PACRG: variants seen among roughly 807,000 people sequenced by gnomAD.
PACRG encodes parkin coregulated.
In PACRG, 29 loss-of-function variants were observed where a neutral mutation model predicts 29.7. The ratio of observed to expected loss-of-function variants is 0.98; its 90% CI spans 0.73 to 1.33. The LOEUF (loss-of-function observed/expected upper bound fraction) is 1.33, where lower values mean the gene tolerates loss of function less well. PACRG is among the 40% of genes most tolerant of loss of function. The pLI is 0.00. For synonymous variants in PACRG, 116 were observed against 118.7 expected (o/e 0.98, Z 0.15); for missense variants, 279 against 316.2 (o/e 0.88, Z 0.89).
At chr6:163,248,684 T>C (rs539835522) in intron 4 of PACRG, among the ~76,000 whole-genome samples, 1 of 152,276 alleles carries the variant, frequency 6.6e-6, no homozygotes, top group African/African-American at 2.4e-5. Context: ...TGACAACTAT[T>C]AGGTTTTCTG....
At chr6:163,197,138 A>G (rs954789238) in intron 4 of PACRG, among the ~76,000 whole-genome samples, 2 of 152,212 alleles carry the variant, frequency 1.3e-5, no homozygotes, top group Non-Finnish European at 2.9e-5. Flanking sequence ...TTCTGCCAGG[A>G]AAAAATACAT....
rs1191547252 is a variant in PACRG at position 162,851,985 on chromosome 6, A to AAGGAAGGG, written c.291+37707_291+37708insAAGGGAGG. On this transcript the variant is annotated intron_variant, in intron 2 of 4. Transcript: ENST00000366888. Reference sequence around the variant, plus strand: ...GGAAGGAAGGGAAAAGAGAAAAGAAAAGGGAGGGAGGGAGGGAGGGAGGAA... The same window carrying AAGGAAGGG: ...GGAAGGAAGGGAAAAGAGAAAAGAAAAGGAAGGGAGGGAGGGAGGGAGGGAGGGAGGAA... Among the ~76,000 whole-genome samples the AAGGAAGGG allele has an allele frequency of 6.1e-5, 7 of 113,934 alleles. 1 individual carries two copies. The South Asian group carries it at 1.2e-3, about 19-fold the overall frequency. The allele number at this position is 113,934 out of a possible 152,430, so 74.7% of individuals were successfully genotyped here.
intron 1 of PACRG, among the ~76,000 whole-genome samples, chr6:162,734,472 C>G (rs1177930961): frequency 6.6e-6 from 1 of 151,534 alleles, no homozygotes; most frequent in African/African-American, 2.4e-5. Flanking sequence ...ATCTTCCTAT[C>G]AAATTTAGGA....
At chr6:162,887,402 A>G (rs1232851684) in intron 2 of PACRG, among the ~76,000 whole-genome samples, 1 of 152,212 alleles carries the variant, frequency 6.6e-6, no homozygotes, top group African/African-American at 2.4e-5. Context: ...CTTCCAATGT[A>G]TTCTCTGGAA....
chr6:163,283,328 A>G (rs901567619), intron 4 of PACRG, among the ~76,000 whole-genome samples: 6 of 152,244 alleles, frequency 3.9e-5, no homozygotes, highest in Non-Finnish European at 7.3e-5. Flanking sequence ...GGAAATTGCA[A>G]TGAAGGAATC....
chr6:163,309,244 C>T (rs924563764), intron 4 of PACRG, among the ~76,000 whole-genome samples: 1 of 152,222 alleles, frequency 6.6e-6, no homozygotes, highest in Admixed American at 6.5e-5. Flanking sequence ...AGAGCACAGC[C>T]CTAGACCGAT....
At chr6:162,963,450 T>C (rs1269118124) in intron 2 of PACRG, among the ~76,000 whole-genome samples, 4 of 151,924 alleles carry the variant, frequency 2.6e-5, no homozygotes, top group Non-Finnish European at 5.9e-5. Context: ...TATAATGACA[T>C]AGAATAAAAC....
intron 1 of PACRG, among the ~76,000 whole-genome samples, chr6:162,798,070 A>G (rs1197331128): frequency 6.6e-6 from 1 of 152,170 alleles, no homozygotes; most frequent in Non-Finnish European, 1.5e-5. Context: ...TTCTTATAGT[A>G]ACTTTGATAT....
intron 2 of PACRG, among the ~76,000 whole-genome samples, chr6:162,862,862 C>T (rs1056631226): frequency 6.6e-6 from 1 of 152,136 alleles, no homozygotes; most frequent in South Asian, 2.1e-4. Context: ...GGTCTCATCT[C>T]GAAGGCAGGC....
intron 4 of PACRG, among the ~76,000 whole-genome samples, chr6:163,135,534 C>A (rs1220093106): frequency 1.3e-5 from 2 of 152,138 alleles, no homozygotes; most frequent in African/African-American, 4.8e-5. Flanking sequence ...CATAAATATA[C>A]CCCAATTTAT....
intron 4 of PACRG, among the ~76,000 whole-genome samples, chr6:163,124,086 G>T (rs975278469): frequency 6.6e-6 from 1 of 152,216 alleles, no homozygotes; most frequent in Non-Finnish European, 1.5e-5. Context: ...GCAGCAGTAT[G>T]TATTCTTTGG....
chr6:163,191,818 A>T (rs61738622), intron 4 of PACRG: 13 of 453,830 alleles, frequency 2.9e-5, no homozygotes, highest in Non-Finnish European at 4.0e-5. Flanking sequence ...TTTTCTCTAA[A>T]CCCTGTAACA....
chr6:162,734,506 T>C (rs996801835), intron 1 of PACRG, among the ~76,000 whole-genome samples: 5 of 110,348 alleles, frequency 4.5e-5, no homozygotes, highest in African/African-American at 2.3e-4. Flanking sequence ...TTAAATAATA[T>C]ATCAGTGCTG....
intron 4 of PACRG, among the ~76,000 whole-genome samples, chr6:163,221,439 CT>C (rs1477253402): frequency 6.6e-6 from 1 of 152,198 alleles, no homozygotes; most frequent in African/African-American, 2.4e-5. Context: ...CTCACTGTGA[CT>C]CTGTGAAATA....
chr6:162,999,451 G>A (rs1042627474), intron 2 of PACRG, among the ~76,000 whole-genome samples: 5 of 152,198 alleles, frequency 3.3e-5, no homozygotes, highest in African/African-American at 1.2e-4. Context: ...TTAGACAGAT[G>A]TATGCCAGAG....
chr6:162,978,516 T>C (rs1304967062), intron 2 of PACRG, among the ~76,000 whole-genome samples: 1 of 152,100 alleles, frequency 6.6e-6, no homozygotes, highest in East Asian at 1.9e-4. Context: ...CATAATTCTA[T>C]ATGGTGTGAG....
At chr6:163,128,402 T>C (rs1299265987) in intron 4 of PACRG, among the ~76,000 whole-genome samples, 1 of 152,210 alleles carries the variant, frequency 6.6e-6, no homozygotes, top group Non-Finnish European at 1.5e-5. Context: ...AGTCTGGCTG[T>C]GTAAGGTCTG....
At chr6:163,243,130 G>T (rs948883288) in intron 4 of PACRG, among the ~76,000 whole-genome samples, 1 of 152,196 alleles carries the variant, frequency 6.6e-6, no homozygotes, top group Non-Finnish European at 1.5e-5. Flanking sequence ...CGTGGTCCAG[G>T]AGTCATAGGT....
At chr6:163,036,873 C>T (rs981452201) in intron 2 of PACRG, among the ~76,000 whole-genome samples, 1 of 108,528 alleles carries the variant, frequency 9.2e-6, no homozygotes, top group Non-Finnish European at 2.0e-5. Flanking sequence ...TCCATCCATC[C>T]ATCCATCCAT....
Sources: gnomAD v4.1 joint callset for allele counts (sites outside exome capture counted in the v4.1 genomes callset) on GRCh38, gnomAD v4.1.1 for gene constraint, MANE v1.5 for transcripts, NCBI Gene and HGNC (gene_info 2026-07-23, HGNC 2026-07-21) for gene names.